EBF1: variants seen among roughly 807,000 people sequenced by gnomAD.
EBF1 encodes the protein transcription factor COE1.
In EBF1, 10 loss-of-function variants were observed where a neutral mutation model predicts 68.4. The observed-to-expected ratio is 0.15, with a 90% CI of 0.09 to 0.25. EBF1 has a LOEUF of 0.25. Among genes scored for constraint, EBF1 ranks in the 10% least tolerant of loss-of-function variants. The pLI is 1.00. For synonymous variants in EBF1, 298 were observed against 299.8 expected, an observed-to-expected ratio of 0.99 and a Z score of 0.06; for missense variants, 509 against 794.4, an observed-to-expected ratio of 0.64 and a Z score of 4.32.
At chr5:158,864,149 G>A (rs1215132887) in intron 6 of EBF1, among the ~76,000 whole-genome samples, 4 of 150,522 alleles carry the variant, frequency 2.7e-5, no homozygotes, top group Non-Finnish European at 5.9e-5. Flanking sequence ...ACTTGAACCC[G>A]GGAGGTGGAG....
At chr5:159,096,852 A>G (rs11741469) in intron 2 of EBF1, 122 bp downstream of exon 2, 6 of 1,290,432 alleles carry the variant, frequency 4.6e-6, no homozygotes, top group East Asian at 5.0e-5. Context: ...GGCTTGGGGG[A>G]CCCCCACATA....
chr5:158,995,709 GA>G (rs1434192758), intron 6 of EBF1, among the ~76,000 whole-genome samples: 3 of 152,270 alleles, frequency 2.0e-5, no homozygotes, highest in African/African-American at 7.2e-5. Flanking sequence ...GATGATTTAA[GA>G]AAGAACCCAG....
intron 9 of EBF1, among the ~76,000 whole-genome samples, chr5:158,790,168 G>T (rs935234339): frequency 6.6e-6 from 1 of 152,148 alleles, no homozygotes; most frequent in African/African-American, 2.4e-5. Flanking sequence ...GGAAACTTTG[G>T]CTTCATCCAT....
chr5:159,084,626 C>G, intron 5 of EBF1, 40 bp downstream of exon 5: 1 of 1,432,730 alleles, frequency 7.0e-7, no homozygotes, highest in South Asian at 1.4e-5. Flanking sequence ...AATTCATCTT[C>G]TCTTTGCTAA....
chr5:158,901,060 G>A (rs769199257), intron 6 of EBF1, among the ~76,000 whole-genome samples: 64 of 152,288 alleles, frequency 4.2e-4, no homozygotes, highest in Middle Eastern at 3.4e-3. Flanking sequence ...CCTCAAGGCA[G>A]TCAGTCTACT....
chr5:158,999,475 G>C (rs912116063), intron 6 of EBF1, among the ~76,000 whole-genome samples: 1 of 152,196 alleles, frequency 6.6e-6, no homozygotes, highest in Non-Finnish European at 1.5e-5. Flanking sequence ...TTTTCAGTTA[G>C]AGAACAGAAA....
chr5:158,796,329 T>G lies in EBF1; in HGVS notation c.909+16A>C, dbSNP rs772654358. 35 of 1,605,332 alleles carry G rather than the reference T, an allele frequency of 2.2e-5. No homozygotes were observed. Among genetic ancestry groups the G allele is most frequent in the Non-Finnish European group, 2.9e-5 (34 of 1,175,546 alleles). ...TAGATCAAGCTATTAGATATTAATG[T>G]TCAGACAACACCTACCTCACTCCAG... On this transcript the variant is annotated intron_variant, in intron 9 of 15. Coordinates refer to ENST00000313708, the MANE Select transcript of EBF1 (RefSeq NM_024007.5).
At chr5:158,791,737 T>C (rs1778655338) in intron 9 of EBF1, among the ~76,000 whole-genome samples, 2 of 152,130 alleles carry the variant, frequency 1.3e-5, no homozygotes, top group Admixed American at 1.3e-4. Flanking sequence ...ACTACACCAC[T>C]CTCTCTGCTT....
chr5:158,855,593 C>T (rs1446889287), intron 6 of EBF1, among the ~76,000 whole-genome samples: 3 of 152,358 alleles, frequency 2.0e-5, no homozygotes, highest in East Asian at 1.9e-4. Context: ...CCAGGAATGT[C>T]TTCCTGTATC....
At chr5:158,969,648 A>G (rs547774639) in intron 6 of EBF1, among the ~76,000 whole-genome samples, 1 of 150,140 alleles carries the variant, frequency 6.7e-6, no homozygotes, top group Non-Finnish European at 1.5e-5. Flanking sequence ...GGTGGCAGGC[A>G]CCTGTAGTCC....
chr5:158,955,373 G>A (rs1030205016), intron 6 of EBF1, among the ~76,000 whole-genome samples: 55 of 152,014 alleles, frequency 3.6e-4, no homozygotes, highest in African/African-American at 1.3e-3. Context: ...ATGTATATTA[G>A]AGGCCTCAGG....
intron 6 of EBF1, among the ~76,000 whole-genome samples, chr5:158,848,473 A>T (rs572108506): frequency 6.6e-6 from 1 of 152,272 alleles, no homozygotes; most frequent in Admixed American, 6.5e-5. Context: ...CCTATTTGTG[A>T]TCCCTCAAAT....
chr5:158,898,787 C>A (rs1028939795), intron 6 of EBF1, among the ~76,000 whole-genome samples: 6 of 152,214 alleles, frequency 3.9e-5, no homozygotes, highest in African/African-American at 1.4e-4. Flanking sequence ...AGTTGCCACA[C>A]AATCCAACAG....
At chr5:158,747,619 G>T (rs1221253614) in intron 10 of EBF1, among the ~76,000 whole-genome samples, 1 of 152,114 alleles carries the variant, frequency 6.6e-6, no homozygotes, top group African/African-American at 2.4e-5. Context: ...TGTCTACAAA[G>T]CATCCGCATG....
In EBF1 at chr5:158,776,566, C is replaced by A. The variant is rs150641728; in HGVS notation, c.1036+847G>T. Among the ~76,000 whole-genome samples the A allele has an allele frequency of 2.4e-3, 366 of 152,146 alleles. 2 individuals are homozygous for A. The highest frequency in any genetic ancestry group is 7.9e-3 in the African/African-American group (329 of 41,500). On this transcript the variant is annotated intron_variant, in intron 10 of 15. Coordinates refer to ENST00000313708, the MANE Select transcript of EBF1 (RefSeq NM_024007.5). ...TCTTTTACTGAATGGAAAAGGAAAC[C>A]TGGGACTAGTTCGTGGAGACAGCTA...
intron 10 of EBF1, among the ~76,000 whole-genome samples, chr5:158,748,543 A>G (rs1478947072): frequency 6.6e-6 from 1 of 152,192 alleles, no homozygotes; most frequent in Non-Finnish European, 1.5e-5. Context: ...CCATTTTCAC[A>G]TAGTGTCTTC....
At chr5:158,937,878 C>T (rs953862271) in intron 6 of EBF1, among the ~76,000 whole-genome samples, 1 of 152,162 alleles carries the variant, frequency 6.6e-6, no homozygotes, top group African/African-American at 2.4e-5. Context: ...GTCCCCCACA[C>T]CCACCCCTTG....
chr5:158,807,212 G>A (rs1381477988), intron 8 of EBF1, among the ~76,000 whole-genome samples: 1 of 152,088 alleles, frequency 6.6e-6, no homozygotes, highest in Admixed American at 6.6e-5. Flanking sequence ...ACTGTGCTAG[G>A]AACAACGATT....
intron 6 of EBF1, among the ~76,000 whole-genome samples, chr5:159,000,350 G>T (rs1762293670): frequency 6.6e-6 from 1 of 152,120 alleles, no homozygotes; most frequent in African/African-American, 2.4e-5. Flanking sequence ...GAGTAATACA[G>T]ATAAAGCTTT....
Sources: gnomAD v4.1 joint callset for allele counts (sites outside exome capture counted in the v4.1 genomes callset) on GRCh38, gnomAD v4.1.1 for gene constraint, MANE v1.5 for transcripts, NCBI Gene and HGNC (gene_info 2026-07-23, HGNC 2026-07-21) for gene names.